Variants in MACROD2 observed in about 807,000 individuals in gnomAD.
The protein encoded by MACROD2 is ADP-ribose glycohydrolase MACROD2.
A neutral mutation model predicts 70.4 loss-of-function variants in MACROD2; 36 were observed. The ratio of observed to expected loss-of-function variants is 0.51; its 90% CI spans 0.39 to 0.68. The LOEUF is 0.68. Ranked by LOEUF, MACROD2 falls within the 30% of genes least tolerant of loss-of-function variation. The pLI is 0.00. For synonymous variants in MACROD2, 172 were observed against 178.8 expected (o/e 0.96, Z 0.30); for missense variants, 496 against 538.4 (o/e 0.92, Z 0.78).
intron 6 of MACROD2, among the ~76,000 whole-genome samples, chr20:15,321,416 C>T (rs2077872782): frequency 6.9e-6 from 1 of 144,152 alleles, no homozygotes; most frequent in Admixed American, 7.0e-5. Context: ...CTCCCTTTTG[C>T]CATTTCCACT....
intron 8 of MACROD2, among the ~76,000 whole-genome samples, chr20:15,735,922 T>G (rs938996461): frequency 6.6e-6 from 1 of 151,972 alleles, no homozygotes; most frequent in Non-Finnish European, 1.5e-5. Context: ...TAACATATCT[T>G]TATTGAACAC....
At chr20:15,744,736 A>ACT (rs2051156655) in intron 8 of MACROD2, among the ~76,000 whole-genome samples, 1 of 141,508 alleles carries the variant, frequency 7.1e-6, no homozygotes, top group African/African-American at 2.6e-5. Context: ...ACACACACAC[A>ACT]CTACACACAA....
intron 7 of MACROD2, among the ~76,000 whole-genome samples, chr20:15,443,742 C>T (rs540940065): frequency 2.6e-5 from 4 of 152,226 alleles, no homozygotes; most frequent in African/African-American, 2.4e-5. Context: ...TAATAAATAT[C>T]TGTTTCATGG....
chr20:14,303,731 C>A lies in MACROD2; in HGVS notation c.272-189748C>A, dbSNP rs548130021. ...TTCCAAATATGTCTCTTTAGTGAAT[C>A]AAGCCTCCCTGACACCACTCCCTGT... is the stretch of plus-strand genomic sequence containing the variant. On this transcript the variant is annotated intron_variant, in intron 3 of 17. Transcript: ENST00000684519. Among the ~76,000 whole-genome samples, 263 of 152,250 alleles carry A rather than the reference C, an allele frequency of 1.7e-3. 2 individuals carry two copies. Among genetic ancestry groups the A allele is most frequent in the Non-Finnish European group, 8.1e-4 (55 of 68,016 alleles).
intron 5 of MACROD2, among the ~76,000 whole-genome samples, chr20:15,126,957 G>A (rs1410774629): frequency 6.6e-6 from 1 of 152,044 alleles, no homozygotes; most frequent in African/African-American, 2.4e-5. Flanking sequence ...AGCACATGTT[G>A]ACAATAAAAA....
chr20:15,605,146 T>A (rs1016616182), intron 8 of MACROD2, among the ~76,000 whole-genome samples: 4 of 152,218 alleles, frequency 2.6e-5, no homozygotes, highest in Non-Finnish European at 5.9e-5. Context: ...GTCTCTTAAA[T>A]CTTTTCACTT....
At chr20:14,310,389 C>A (rs963503280) in intron 3 of MACROD2, among the ~76,000 whole-genome samples, 1 of 152,026 alleles carries the variant, frequency 6.6e-6, no homozygotes, top group African/African-American at 2.4e-5. Context: ...CAATGATGGA[C>A]TACATATACA....
intron 3 of MACROD2, among the ~76,000 whole-genome samples, chr20:14,275,971 G>T (rs1359164156): frequency 6.6e-6 from 1 of 152,130 alleles, no homozygotes; most frequent in African/African-American, 2.4e-5. Context: ...TAAAAGTCAG[G>T]AAACAACAGG....
intron 8 of MACROD2, among the ~76,000 whole-genome samples, chr20:15,862,346 T>C (rs1358251257): frequency 6.6e-6 from 1 of 152,226 alleles, no homozygotes; most frequent in Non-Finnish European, 1.5e-5. Flanking sequence ...CAATGAGCTC[T>C]TTGTTTACTG....
chr20:14,845,283 A>G (rs1377052992), intron 5 of MACROD2, among the ~76,000 whole-genome samples: 3 of 152,124 alleles, frequency 2.0e-5, no homozygotes, highest in African/African-American at 4.8e-5. Flanking sequence ...TTACAATGAT[A>G]TTAATATATT....
chr20:15,374,928 C>T (rs557949316), intron 6 of MACROD2, among the ~76,000 whole-genome samples: 3 of 152,176 alleles, frequency 2.0e-5, no homozygotes, highest in East Asian at 3.8e-4. Context: ...AAAGACCAGA[C>T]AATTGCTTAT....
Position 15,907,949 on chromosome 20 carries a change from C to T in MACROD2, c.775+22138C>T, listed in dbSNP as rs182911282. Among the ~76,000 whole-genome samples the T allele has an allele frequency of 6.0e-3, 918 of 152,278 alleles. 18 individuals are homozygous for T. Among genetic ancestry groups the T allele is most frequent in the Non-Finnish European group, 5.8e-3 (394 of 68,014 alleles). ...GCTTTGGGTTGGTTAACTAATATTT[C>T]TCAATTTTATTTTCATGACTACACT... On this transcript the variant is annotated intron_variant, in intron 10 of 17. Transcript: ENST00000684519.
At chr20:14,210,737 C>G (rs1000557236) in intron 3 of MACROD2, among the ~76,000 whole-genome samples, 2 of 152,050 alleles carry the variant, frequency 1.3e-5, no homozygotes, top group African/African-American at 2.4e-5. Context: ...TTCAAGTGTA[C>G]AAATACAATT....
At chr20:15,862,629 T>C in intron 8 of MACROD2, 116 bp from the exon 9 acceptor site, 1 of 751,632 alleles carries the variant, frequency 1.3e-6, no homozygotes, top group Non-Finnish European at 2.3e-6. Context: ...TAGATAGCAG[T>C]ATAGAACCAA....
At chr20:14,347,818 C>T (rs1406984446) in intron 3 of MACROD2, among the ~76,000 whole-genome samples, 1 of 152,128 alleles carries the variant, frequency 6.6e-6, no homozygotes, top group East Asian at 1.9e-4. Context: ...GACATGGGGC[C>T]AACATGTCCC....
At chr20:14,992,512 C>T (rs1478198097) in intron 5 of MACROD2, among the ~76,000 whole-genome samples, 1 of 152,102 alleles carries the variant, frequency 6.6e-6, no homozygotes, top group Non-Finnish European at 1.5e-5. Flanking sequence ...AGTAGGTTGA[C>T]ATTAGGGGCT....
intron 6 of MACROD2, among the ~76,000 whole-genome samples, chr20:15,239,884 A>T (rs7267350): frequency 0.17 from 25,295 of 152,212 alleles, 2,541 homozygotes; most frequent in Non-Finnish European, 0.24. Flanking sequence ...TGATGTGGTT[A>T]TGAGGACCAT....
intron 6 of MACROD2, among the ~76,000 whole-genome samples, chr20:15,381,015 TTATC>T (rs969831422): frequency 1.3e-5 from 2 of 152,146 alleles, no homozygotes; most frequent in African/African-American, 4.8e-5. Flanking sequence ...TTATACATGT[TTATC>T]AGTTCCAACT....
chr20:14,767,715 C>T (rs1342052259), intron 5 of MACROD2, among the ~76,000 whole-genome samples: 7 of 151,686 alleles, frequency 4.6e-5, no homozygotes, highest in East Asian at 3.9e-4. Context: ...TAGGTATACA[C>T]GTGTCATGGT....
Sources: gnomAD v4.1 joint callset for allele counts (sites outside exome capture counted in the v4.1 genomes callset) on GRCh38, gnomAD v4.1.1 for gene constraint, MANE v1.5 for transcripts, NCBI Gene and HGNC (gene_info 2026-07-23, HGNC 2026-07-21) for gene names.